ATP6V1B2: variants seen among roughly 807,000 people sequenced by gnomAD.
ATP6V1B2 encodes ATPase H+ transporting V1 subunit B2, also known as V-type proton ATPase subunit B, brain isoform.
ATP6V1B2 carries 23 observed loss-of-function variants against 66.7 expected under a neutral mutation model. That is an observed-to-expected ratio of 0.34 (90% CI 0.25 to 0.49). The LOEUF (loss-of-function observed/expected upper bound fraction) is 0.49, where lower values mean the gene tolerates loss of function less well. Ranked by LOEUF, ATP6V1B2 falls within the 20% of genes least tolerant of loss-of-function variation. The pLI, the probability that ATP6V1B2 is intolerant of heterozygous loss-of-function variation, is 0.99. For missense variants in ATP6V1B2, 478 were observed against 650.8 expected (o/e 0.73, Z 2.89); for synonymous variants, 278 against 236.7 (o/e 1.17, Z -1.60).
chr8:20,218,385 T>A (rs2072875609), intron 13 of ATP6V1B2, 103 bp downstream of exon 13: 4 of 1,454,880 alleles, frequency 2.7e-6, no homozygotes, highest in Non-Finnish European at 3.7e-6. Flanking sequence ...TATAGTTATT[T>A]CTCTGGTTAG....
At chr8:20,198,101 C>G (rs552814339) in intron 1 of ATP6V1B2, among the ~76,000 whole-genome samples, 2 of 152,290 alleles carry the variant, frequency 1.3e-5, no homozygotes, top group East Asian at 3.9e-4. Context: ...CAGAAGGACA[C>G]CTAGATATCA....
chr8:20,212,747 G>A (rs769233232), intron 8 of ATP6V1B2, 35 bp from the exon 9 acceptor site: 12 of 1,592,210 alleles, frequency 7.5e-6, no homozygotes, highest in African/African-American at 1.4e-5. Context: ...TGGTCTTTTG[G>A]TTTGAGTGGC....
intron 10 of ATP6V1B2, chr8:20,215,776 G>A (rs1425770706): frequency 6.6e-6 from 1 of 152,216 alleles, no homozygotes; most frequent in Non-Finnish European, 1.5e-5. Flanking sequence ...GCTACAAAAT[G>A]ATGTAATTTA....
chr8:20,216,270 A>C, intron 10 of ATP6V1B2, 143 bp from the exon 11 acceptor site: 1 of 638,928 alleles, frequency 1.6e-6, no homozygotes, highest in Non-Finnish European at 2.7e-6. Flanking sequence ...AGCATCACAG[A>C]AAATGACTCT....
In ATP6V1B2 at chr8:20,211,237, C is replaced by T. The variant is rs1164227672; in HGVS notation, c.524C>T (p.Ser175Leu). 8 of 1,613,340 alleles carry T rather than the reference C, an allele frequency of 5.0e-6. No homozygotes were observed. The highest frequency in any genetic ancestry group is 1.3e-5 in the African/African-American group (1 of 75,000). The part of the protein sequence containing the change: ...YPEEMIQTGI[S>L]AIDGMNSIAR... Reference sequence around the variant, plus strand: ...GAGGAAATGATTCAGACTGGCATTTCGGCCATCGATGGGATGAACAGTATT... The same window carrying T: ...GAGGAAATGATTCAGACTGGCATTTTGGCCATCGATGGGATGAACAGTATT... The change falls in exon 6 of 14, where the codon TCG (serine) becomes TTG (leucine). Residue 175 changes from serine (S) to leucine (L), a missense_variant. Around this residue, in one of 2 missense-constraint regions of ATP6V1B2, gnomAD observed 326 missense variants for 545.6 expected, o/e 0.60. Coordinates refer to ENST00000276390, the MANE Select transcript of ATP6V1B2 (RefSeq NM_001693.4).
chr8:20,200,550 A>G (rs1585244435), intron 1 of ATP6V1B2, among the ~76,000 whole-genome samples: 2 of 152,352 alleles, frequency 1.3e-5, no homozygotes, highest in South Asian at 4.1e-4. Context: ...AATGGAAAAC[A>G]TATTCAGGCT....
intron 3 of ATP6V1B2, 103 bp from the exon 4 acceptor site, chr8:20,210,243 T>G: frequency 1.2e-6 from 1 of 857,302 alleles, no homozygotes; most frequent in Non-Finnish European, 1.8e-6. Flanking sequence ...TAGTATACAT[T>G]CATGGGTTTT....
chr8:20,212,210 G>C lies in ATP6V1B2; in HGVS notation c.803+11G>C. Reference sequence around the variant, plus strand: ...GGCTAATGACCCAACGTAAGTAACAGAGCTATTTCTTTCTGTGGCCCAGAC... The same window carrying C: ...GGCTAATGACCCAACGTAAGTAACACAGCTATTTCTTTCTGTGGCCCAGAC... On this transcript the variant is annotated intron_variant, in intron 8 of 13. Coordinates refer to ENST00000276390, the MANE Select transcript of ATP6V1B2 (RefSeq NM_001693.4). The C allele has an allele frequency of 1.2e-6, 2 of 1,610,696 alleles. No individual in the cohort carries two copies. Among genetic ancestry groups the C allele is most frequent in the African/African-American group, 1.3e-5 (1 of 74,916 alleles).
intron 2 of ATP6V1B2, 60 bp from the exon 3 acceptor site, chr8:20,209,373 G>T: frequency 6.7e-7 from 1 of 1,483,524 alleles, no homozygotes; most frequent in Admixed American, 1.7e-5. Context: ...CAGAGCATGT[G>T]TAGTAATTTG....
chr8:20,198,140 C>T (rs2128884116), intron 1 of ATP6V1B2, among the ~76,000 whole-genome samples: 1 of 152,336 alleles, frequency 6.6e-6, no homozygotes, highest in South Asian at 2.1e-4. Context: ...AAGTACCTTG[C>T]AGGTCATCCA....
chr8:20,203,873 T>C (rs2072711188), intron 1 of ATP6V1B2: 1 of 408,058 alleles, frequency 2.5e-6, no homozygotes, highest in Non-Finnish European at 4.8e-6. Flanking sequence ...CCCCCTGGCC[T>C]TTCTTTCCAT....
In ATP6V1B2 at chr8:20,209,446, C is replaced by G. The variant is rs1420257074; in HGVS notation, c.206C>G (p.Ala69Gly). The change falls in exon 3 of 14, where the codon GCT becomes GGT. Residue 69 changes from alanine to glycine, a missense_variant. Coordinates refer to ENST00000276390, the MANE Select transcript of ATP6V1B2 (RefSeq NM_001693.4). The part of the protein sequence containing the change: ...ILDHVKFPRY[A>G]EIVHLTLPDG... Reference sequence around the variant, plus strand: ...TTTTCTCTTTAGTTTCCCAGGTATGCTGAAATTGTCCATTTGACCTTACCG... The same window carrying G: ...TTTTCTCTTTAGTTTCCCAGGTATGGTGAAATTGTCCATTTGACCTTACCG... 1.2e-6 allele frequency: 2 copies of G among 1,613,860 alleles called. No homozygotes were observed. Among genetic ancestry groups the G allele is most frequent in the Admixed American group, 1.7e-5 (1 of 59,962 alleles).
rs756418330 is a variant in ATP6V1B2 at position 20,210,025 on chromosome 8, TTTTC to T, written c.292-309_292-306del. Among the ~76,000 whole-genome samples, 273 of 150,170 alleles carry T rather than the reference TTTTC, an allele frequency of 1.8e-3. 1 individual carries two copies. In the Middle Eastern group the frequency reaches 0.021, roughly 12 times the overall value. On this transcript the variant is annotated intron_variant, in intron 3 of 13. Transcript: ENST00000276390. ...ACTAAATTCTCCTACATATTCTTCT[TTTTC>T]TTTCTTTCTTTTTTTTGAAACAACC...
chr8:20,211,444 G>T (rs1355035575), intron 6 of ATP6V1B2, 128 bp downstream of exon 6: 6 of 1,370,146 alleles, frequency 4.4e-6, no homozygotes, highest in Non-Finnish European at 4.9e-6. Flanking sequence ...GTATAATCCA[G>T]TTACCTCACA....
chr8:20,197,423 T>A lies in ATP6V1B2; in HGVS notation c.17T>A (p.Met6Lys). The A allele has an allele frequency of 6.5e-7, 1 of 1,543,122 alleles. No homozygotes were observed. Among genetic ancestry groups the A allele is most frequent in the Non-Finnish European group, 8.7e-7 (1 of 1,146,876 alleles). Residue 6 changes from methionine to lysine, a missense_variant, in exon 1 of 14, where the codon ATG becomes AAG. Transcript: ENST00000276390. MALRA[M>K]RGIVNGAAPE... The stretch of plus-strand genomic sequence containing the variant: ...GGAGACAAGATGGCGCTGCGGGCGA[T>A]GCGGGGGATTGTCAACGGGGCCGCA...
chr8:20,202,818 A>G (rs530262390), intron 1 of ATP6V1B2, among the ~76,000 whole-genome samples: 3 of 152,362 alleles, frequency 2.0e-5, no homozygotes, highest in African/African-American at 4.8e-5. Context: ...ATAAATCTCA[A>G]TACCATATCC....
intron 1 of ATP6V1B2, among the ~76,000 whole-genome samples, chr8:20,200,294 A>T (rs1033958861): frequency 1.3e-5 from 2 of 152,132 alleles, no homozygotes; most frequent in African/African-American, 4.8e-5. Flanking sequence ...CTGGGATTAC[A>T]GGTGTGAGCT....
rs776707061 is a variant in ATP6V1B2 at position 20,217,306 on chromosome 8, C to T, written c.1248C>T (p.Ala416=). 7.9e-5 allele frequency: 128 copies of T among 1,611,120 alleles called. No homozygotes were observed. Among genetic ancestry groups the T allele is most frequent in the Non-Finnish European group, 1.0e-4 (118 of 1,177,616 alleles). ...IGEGMTRKDH[A]DVSNQLYACY... is the part of the protein sequence containing the mutation. ...AAGGGATGACCAGGAAGGATCATGCCGATGTATCTAACCAGCTAGTATGTA... is the reference window on the plus strand; with the variant it reads ...AAGGGATGACCAGGAAGGATCATGCTGATGTATCTAACCAGCTAGTATGTA... The change falls in exon 12 of 14, where the codon GCC becomes GCT. Residue 416 remains alanine, a synonymous_variant. Transcript: ENST00000276390.
intron 4 of ATP6V1B2, 61 bp downstream of exon 4, chr8:20,210,500 T>C: frequency 6.2e-7 from 1 of 1,607,208 alleles, no homozygotes; most frequent in Non-Finnish European, 8.5e-7. Flanking sequence ...ATTTCCATAA[T>C]GTCTTTTAAA....
Sources: allele counts gnomAD v4.1 joint callset (sites outside exome capture counted in the v4.1 genomes callset), GRCh38; gene constraint gnomAD v4.1.1; regional missense constraint gnomAD v4.1.1; transcripts MANE v1.5; gene names NCBI Gene and HGNC (gene_info 2026-07-23, HGNC 2026-07-21).